KIF15: variants seen among roughly 807,000 people sequenced by gnomAD.
KIF15 encodes kinesin-like protein KIF15.
In KIF15, 140 loss-of-function variants were observed where a neutral mutation model predicts 190.6. The ratio of observed to expected loss-of-function variants is 0.73; its 90% CI spans 0.64 to 0.84. KIF15 has a LOEUF of 0.84. Among genes scored for constraint, KIF15 ranks in the 40% least tolerant of loss-of-function variants. The pLI, the probability that KIF15 is intolerant of heterozygous loss-of-function variation, is 0.00. For missense variants in KIF15, 1,372 were observed against 1,584.4 expected (o/e 0.87, Z 2.28); for synonymous variants, 528 against 551.3 (o/e 0.96, Z 0.59).
intron 6 of KIF15, chr3:44,864,407 A>G: frequency 6.2e-7 from 1 of 1,601,008 alleles, no homozygotes. Context: ...TTGTCTTTGG[A>G]TAACCCCTCC....
At chr3:44,834,822 A>G (rs1698230053) in intron 26 of KIF15, among the ~76,000 whole-genome samples, 1 of 151,724 alleles carries the variant, frequency 6.6e-6, no homozygotes, top group Non-Finnish European at 1.5e-5. Context: ...AGTCCCAGCT[A>G]CTTGGGAAGC....
At chr3:44,823,031 T>C (rs1270290480) in intron 20 of KIF15, among the ~76,000 whole-genome samples, 1 of 152,238 alleles carries the variant, frequency 6.6e-6, no homozygotes. Context: ...GTTATTCTCG[T>C]CCAGCTTTGT....
At chr3:44,784,708 G>A (rs1269501002) in intron 5 of KIF15, 137 bp from the exon 6 acceptor site, 1 of 606,934 alleles carries the variant, frequency 1.6e-6, no homozygotes, top group Non-Finnish European at 2.9e-6. Flanking sequence ...TTCTCTCACA[G>A]ACCTAGATTT....
intron 1 of KIF15, among the ~76,000 whole-genome samples, chr3:44,768,729 CAG>C (rs35495786): frequency 7.5e-4 from 114 of 152,246 alleles, no homozygotes; most frequent in African/African-American, 2.6e-3. Context: ...TTCCTGCTGA[CAG>C]GGGGTGCTGT....
intron 20 of KIF15, among the ~76,000 whole-genome samples, chr3:44,821,353 C>T (rs895115050): frequency 7.9e-5 from 12 of 151,704 alleles, no homozygotes; most frequent in Admixed American, 3.3e-4. Flanking sequence ...CGGTGACGCT[C>T]CTCACTTCTC....
chr3:44,842,801 G>A (rs756949347), intron 29 of KIF15, among the ~76,000 whole-genome samples: 5 of 152,166 alleles, frequency 3.3e-5, no homozygotes, highest in Admixed American at 6.6e-5. Context: ...TAGAATCTAC[G>A]TAATAAATAG....
intron 3 of KIF15, among the ~76,000 whole-genome samples, chr3:44,777,878 T>C (rs888166616): frequency 1.3e-5 from 2 of 152,222 alleles, no homozygotes; most frequent in African/African-American, 4.8e-5. Context: ...ACATGCAATA[T>C]GCTCTACAAA....
At chr3:44,827,655 G>C in intron 23 of KIF15, 127 bp downstream of exon 23, 1 of 545,296 alleles carries the variant, frequency 1.8e-6, no homozygotes, top group Non-Finnish European at 3.3e-6. Flanking sequence ...AATGGAATTT[G>C]GGGCTGGTTC....
intron 1 of KIF15, among the ~76,000 whole-genome samples, chr3:44,763,227 G>A (rs1705223020): frequency 6.6e-6 from 1 of 152,232 alleles, no homozygotes; most frequent in Non-Finnish European, 1.5e-5. Flanking sequence ...GGAGCATGAA[G>A]TGGGAACACA....
At chr3:44,813,898 G>A (rs116338002) in intron 19 of KIF15, among the ~76,000 whole-genome samples, 371 of 152,316 alleles carry the variant, frequency 2.4e-3, no homozygotes, top group Non-Finnish European at 4.3e-3. Context: ...GATTACAGGC[G>A]TGAGCCACTG....
At position 44,851,934 on chromosome 3, in the gene KIF15, AAGAG is replaced by A. The variant is rs761454925; in HGVS notation, c.3960_3963del (p.Arg1321HisfsTer8). 23 of 1,613,652 alleles carry A rather than the reference AAGAG, an allele frequency of 1.4e-5. No homozygotes were observed. Among genetic ancestry groups the A allele is most frequent in the Middle Eastern group, 1.7e-4 (1 of 6,058 alleles). On this transcript the variant is annotated frameshift_variant, in exon 33 of 35. Coordinates refer to ENST00000326047, the MANE Select transcript of KIF15 (RefSeq NM_020242.3). LOFTEE classifies it high-confidence loss of function. ...CAAAGCTGGAAGAAATGTATGAAGAAAGAGAGAGAACATCCCAGGTGTGCTAGTG... is the reference window on the plus strand; with the variant it reads ...CAAAGCTGGAAGAAATGTATGAAGAAAGAGAACATCCCAGGTGTGCTAGTG...
At chr3:44,840,760 C>T (rs1299484188) in intron 28 of KIF15, among the ~76,000 whole-genome samples, 3 of 150,032 alleles carry the variant, frequency 2.0e-5, no homozygotes, top group African/African-American at 7.4e-5. Flanking sequence ...CCTCCGTCTC[C>T]CAGGTTCAAG....
At chr3:44,856,488 C>T (rs1036855316), downstream of KIF15, among the ~76,000 whole-genome samples, 1 of 152,114 alleles carries the variant, frequency 6.6e-6, no homozygotes, top group African/African-American at 2.4e-5. Context: ...ATAGAATGGG[C>T]CTGTGAGGCT....
chr3:44,830,113 T>A, intron 25 of KIF15, 38 bp downstream of exon 25: 1 of 1,141,444 alleles, frequency 8.8e-7, no homozygotes, highest in Non-Finnish European at 1.2e-6. Context: ...AATTTGAGCA[T>A]GGGACACTTC....
chr3:44,856,954 G>A (rs1559600027), downstream of KIF15, among the ~76,000 whole-genome samples: 1 of 152,208 alleles, frequency 6.6e-6, no homozygotes, highest in Non-Finnish European at 1.5e-5. Flanking sequence ...AGAGGTAGTG[G>A]AGGAGGGCAG....
chr3:44,856,943 G>A (rs760430039), downstream of KIF15, among the ~76,000 whole-genome samples: 2 of 152,204 alleles, frequency 1.3e-5, no homozygotes, highest in Non-Finnish European at 2.9e-5. Context: ...TCGGCTTGCT[G>A]AGAGGTAGTG....
chr3:44,783,134 G>C (rs912120853), intron 5 of KIF15, among the ~76,000 whole-genome samples: 4 of 152,164 alleles, frequency 2.6e-5, no homozygotes, highest in Non-Finnish European at 5.9e-5. Flanking sequence ...TTAAAGATTT[G>C]TTGAATCTTT....
intron 16 of KIF15, among the ~76,000 whole-genome samples, chr3:44,806,506 A>T (rs1051146378): frequency 6.6e-6 from 1 of 151,452 alleles, no homozygotes; most frequent in Non-Finnish European, 1.5e-5. Context: ...CTCATAAAAG[A>T]AAAAAAAATG....
Position 44,786,481 on chromosome 3 carries a change from G to A in KIF15, c.546G>A (p.Ser182=), listed in dbSNP as rs142783665. The change falls in exon 7 of 35, where the codon TCG becomes TCA. Residue 182 remains serine (S), a synonymous_variant. Transcript: ENST00000326047. Reference sequence around the variant, plus strand: ...TATATGATCTACTGGACTCTGCATCGGCTGGACTGTACTTAAGGGAGCATA... The same window carrying A: ...TATATGATCTACTGGACTCTGCATCAGCTGGACTGTACTTAAGGGAGCATA... ...EQIYDLLDSA[S]AGLYLREHIK... is the part of the protein sequence containing the mutation. 5.0e-5 allele frequency: 80 copies of A among 1,613,768 alleles called. No individual in the cohort carries two copies. The highest frequency in any genetic ancestry group is 1.6e-4 in the Middle Eastern group (1 of 6,082).
Sources: allele counts gnomAD v4.1 joint callset (sites outside exome capture counted in the v4.1 genomes callset), GRCh38; gene constraint gnomAD v4.1.1; transcripts MANE v1.5; gene names NCBI Gene and HGNC (gene_info 2026-07-23, HGNC 2026-07-21).